Variants in LINGO2 observed in about 807,000 individuals in gnomAD.
The protein encoded by LINGO2 is leucine-rich repeat and immunoglobulin-like domain-containing nogo receptor-interacting protein 2.
LINGO2 carries 14 observed loss-of-function variants against 30.6 expected under a neutral mutation model. That is an observed-to-expected ratio of 0.46 (90% CI 0.30 to 0.72). The LOEUF (loss-of-function observed/expected upper bound fraction) is 0.72. LINGO2 is among the 30% of genes least tolerant of loss of function. LINGO2 has a pLI of 0.07. For missense variants in LINGO2, 729 were observed against 751.7 expected, an observed-to-expected ratio of 0.97 and a Z score of 0.35; for synonymous variants, 317 against 288.5, an observed-to-expected ratio of 1.10 and a Z score of -1.00.
intron 4 of LINGO2, among the ~76,000 whole-genome samples, chr9:28,037,930 A>T (rs1442348723): frequency 6.6e-6 from 1 of 152,212 alleles, no homozygotes; most frequent in African/African-American, 2.4e-5. Context: ...GTGAGAAGGG[A>T]TGTTCTCCCT....
chr9:28,380,464 T>C, intron 2 of LINGO2, among the ~76,000 whole-genome samples: 1 of 151,162 alleles, frequency 6.6e-6, no homozygotes, highest in East Asian at 1.9e-4. Flanking sequence ...GAAAAATTGG[T>C]TAATGGAAAT....
rs10968394 is a variant in LINGO2, at chr9:28,221,340, G to A, written c.-87+73868C>T. Among the ~76,000 whole-genome samples the A allele has an allele frequency of 7.0e-5, 10 of 143,090 alleles. No homozygotes were observed. In the South Asian group the frequency reaches 2.2e-3, roughly 31 times the overall value. 93.9% of individuals were successfully genotyped at this position (143,090 alleles called of 152,430 possible). On this transcript the variant is annotated intron_variant, in intron 4 of 5. Transcript: ENST00000379992. The stretch of plus-strand genomic sequence containing the variant: ...AAAAAAAAAAAGCAAAGATAGAGGA[G>A]ATTAAGTGTTCTCACCACAAAAATG...
At chr9:28,833,310 A>T in the LINGO2 span, among the ~76,000 whole-genome samples, 2 of 152,312 alleles carry the variant, frequency 1.3e-5, no homozygotes, top group East Asian at 3.9e-4. Flanking sequence ...CAAGTTCTCT[A>T]TAGTACCTTT....
chr9:28,857,563 T>G, the LINGO2 span, among the ~76,000 whole-genome samples: 1 of 152,010 alleles, frequency 6.6e-6, no homozygotes, highest in Non-Finnish European at 1.5e-5. Context: ...GACAGGTACT[T>G]TAGGCAGATT....
chr9:28,390,448 A>G (rs1317519417), intron 2 of LINGO2, among the ~76,000 whole-genome samples: 1 of 152,180 alleles, frequency 6.6e-6, no homozygotes, highest in Non-Finnish European at 1.5e-5. Flanking sequence ...GTCTGGAATA[A>G]AGAAATGGCA....
At chr9:28,528,183 A>G (rs924886799) in intron 1 of LINGO2, among the ~76,000 whole-genome samples, 6 of 152,174 alleles carry the variant, frequency 3.9e-5, no homozygotes, top group Non-Finnish European at 8.8e-5. Flanking sequence ...TTCACAAAAC[A>G]GAGACAAGTT....
At chr9:29,072,766 C>T in the LINGO2 span, among the ~76,000 whole-genome samples, 1 of 151,864 alleles carries the variant, frequency 6.6e-6, no homozygotes, top group East Asian at 1.9e-4. Flanking sequence ...TCTTCTCTCT[C>T]CAATACGGTA....
the LINGO2 span, chr9:28,863,645 T>C: frequency 7.5e-6 from 4 of 532,826 alleles, no homozygotes; most frequent in Non-Finnish European, 1.5e-5. Context: ...ATGAATTACT[T>C]TGTAAACCAC....
At chr9:28,041,436 C>T (rs1231897302) in intron 4 of LINGO2, among the ~76,000 whole-genome samples, 3 of 152,026 alleles carry the variant, frequency 2.0e-5, no homozygotes, top group African/African-American at 7.3e-5. Context: ...AATTGTCCTT[C>T]CTTGAATAAA....
chr9:28,579,575 G>T (rs945996595), intron 1 of LINGO2, among the ~76,000 whole-genome samples: 23 of 152,130 alleles, frequency 1.5e-4, no homozygotes, highest in Admixed American at 1.2e-3. Context: ...GTGTTATTTT[G>T]CATGAAATAT....
chr9:28,108,131 A>G (rs1203551887), intron 4 of LINGO2, among the ~76,000 whole-genome samples: 1 of 152,158 alleles, frequency 6.6e-6, no homozygotes, highest in East Asian at 1.9e-4. Flanking sequence ...TCCCTGAATG[A>G]GTCTTGCCTT....
At chr9:28,866,302 A>T in the LINGO2 span, among the ~76,000 whole-genome samples, 1 of 151,976 alleles carries the variant, frequency 6.6e-6, no homozygotes, top group Admixed American at 6.6e-5. Flanking sequence ...GCTTTATTGT[A>T]TTTTTTTAAG....
the LINGO2 span, among the ~76,000 whole-genome samples, chr9:28,702,106 T>C: frequency 6.6e-6 from 1 of 151,956 alleles, no homozygotes; most frequent in African/African-American, 2.4e-5. Context: ...TTTGTATACC[T>C]TTTATTTCTT....
intron 4 of LINGO2, among the ~76,000 whole-genome samples, chr9:28,224,454 A>G (rs751187761): frequency 6.5e-4 from 99 of 152,224 alleles, no homozygotes; most frequent in Non-Finnish European, 1.1e-3. Context: ...TGATTAAATC[A>G]GGATAACTGG....
At chr9:28,514,237 G>C (rs887782006) in intron 1 of LINGO2, among the ~76,000 whole-genome samples, 1 of 151,994 alleles carries the variant, frequency 6.6e-6, no homozygotes, top group Admixed American at 6.5e-5. Flanking sequence ...ATTGAAATTA[G>C]GCCAATGAGT....
chr9:27,969,073 G>A (rs796686856), intron 5 of LINGO2, among the ~76,000 whole-genome samples: 12 of 151,742 alleles, frequency 7.9e-5, no homozygotes, highest in African/African-American at 2.9e-4. Context: ...AATTTGTATT[G>A]AAAGAAAACC....
intron 5 of LINGO2, among the ~76,000 whole-genome samples, chr9:27,985,177 A>G (rs1357430788): frequency 4.6e-5 from 7 of 151,948 alleles, no homozygotes; most frequent in African/African-American, 2.4e-5. Context: ...CTCACTCTTC[A>G]CAACATGAGT....
chr9:28,356,367 T>C (rs529796103), intron 3 of LINGO2, among the ~76,000 whole-genome samples: 1 of 152,266 alleles, frequency 6.6e-6, no homozygotes, highest in South Asian at 2.1e-4. Flanking sequence ...TTGTAACATG[T>C]ATAAACTCAA....
intron 1 of LINGO2, among the ~76,000 whole-genome samples, chr9:28,559,491 G>C (rs1037332189): frequency 6.6e-6 from 1 of 152,044 alleles, no homozygotes; most frequent in Non-Finnish European, 1.5e-5. Context: ...CTTACAGCTT[G>C]TAGTATGCTC....
Sources: allele counts gnomAD v4.1 joint callset (sites outside exome capture counted in the v4.1 genomes callset), GRCh38; gene constraint gnomAD v4.1.1; transcripts MANE v1.5; gene names NCBI Gene and HGNC (gene_info 2026-07-23, HGNC 2026-07-21).